Variants in BAIAP2 observed in about 807,000 individuals in gnomAD.
BAIAP2 encodes BAR/IMD domain-containing adapter protein 2.
A neutral mutation model predicts 63.0 loss-of-function variants in BAIAP2; 18 were observed. That is an observed-to-expected ratio of 0.29 (90% CI 0.20 to 0.42). The LOEUF is 0.42. Among genes scored for constraint, BAIAP2 ranks in the 10% least tolerant of loss-of-function variants. BAIAP2 has a pLI of 1.00. For synonymous variants in BAIAP2, 386 were observed against 307.6 expected (o/e 1.25, Z -2.67); for missense variants, 610 against 734.3 (o/e 0.83, Z 1.96).
intron 3 of BAIAP2, among the ~76,000 whole-genome samples, chr17:81,059,167 G>A (rs955708114): frequency 2.0e-5 from 3 of 152,104 alleles, no homozygotes; most frequent in East Asian, 1.9e-4. Flanking sequence ...GGGCAGGCCC[G>A]CTGGCGTGTT....
At chr17:81,067,922 G>T (rs924621532) in intron 3 of BAIAP2, among the ~76,000 whole-genome samples, 1 of 152,186 alleles carries the variant, frequency 6.6e-6, no homozygotes, top group Non-Finnish European at 1.5e-5. Flanking sequence ...GAGAGGAGCC[G>T]CTCAGCCTTC....
Position 81,053,442 on chromosome 17 carries a change from C to G in BAIAP2, c.55-226C>G, listed in dbSNP as rs553216162. The G allele has an allele frequency of 5.8e-5, 33 of 570,136 alleles. No homozygotes were observed. In the South Asian group the frequency reaches 6.7e-4, roughly 12 times the overall value. 35.3% of individuals were successfully genotyped at this position (570,136 alleles called of 1,614,324 possible). A position where few individuals can be genotyped will look rare whatever the true frequency, so the allele number is the denominator to read the frequency against. ...CCTCTGCGGCCGGGTTTCTTCTTAC[C>G]CCCTTTGCACAGGTGTGAAAACCGA... On this transcript the variant is annotated intron_variant, in intron 1 of 13. Coordinates refer to ENST00000428708, the MANE Select transcript of BAIAP2 (RefSeq NM_001144888.2).
intron 3 of BAIAP2, among the ~76,000 whole-genome samples, chr17:81,082,334 C>T (rs1044947604): frequency 6.6e-6 from 1 of 152,152 alleles, no homozygotes; most frequent in African/African-American, 2.4e-5. Flanking sequence ...ATATGTGATA[C>T]CTCCCCGGGG....
At chr17:81,055,307 C>T (rs2049290939) in intron 2 of BAIAP2, among the ~76,000 whole-genome samples, 2 of 152,202 alleles carry the variant, frequency 1.3e-5, no homozygotes, top group African/African-American at 4.8e-5. Context: ...CCAGGTGGAC[C>T]AGTTGTGCCC....
At chr17:81,107,939 C>G in intron 12 of BAIAP2, 1 of 161,602 alleles carries the variant, frequency 6.2e-6, no homozygotes, top group Non-Finnish European at 1.4e-5. Context: ...CCAGGCCATG[C>G]TGGCAGATGA....
chr17:81,042,965 C>A (rs1324729078), intron 1 of BAIAP2, among the ~76,000 whole-genome samples: 1 of 152,096 alleles, frequency 6.6e-6, no homozygotes, highest in African/African-American at 2.4e-5. Context: ...CTTACTGCAG[C>A]CTCTGCCTCC....
chr17:81,064,305 C>T (rs2051088066), intron 3 of BAIAP2, among the ~76,000 whole-genome samples: 1 of 152,252 alleles, frequency 6.6e-6, no homozygotes. Context: ...TGGCCTCGGG[C>T]TATGTAGCCC....
chr17:81,041,537 T>G (rs1208832124), intron 1 of BAIAP2, among the ~76,000 whole-genome samples: 1 of 152,170 alleles, frequency 6.6e-6, no homozygotes, highest in African/African-American at 2.4e-5. Context: ...GGGTAGTGTT[T>G]TTTCGTTTTT....
intron 3 of BAIAP2, among the ~76,000 whole-genome samples, chr17:81,067,949 C>T (rs1385203151): frequency 1.3e-5 from 2 of 152,246 alleles, no homozygotes; most frequent in South Asian, 4.1e-4. Context: ...AAGCCAGGAG[C>T]TGCTGAGGTG....
intron 1 of BAIAP2, chr17:81,053,311 C>T (rs995283133): frequency 1.4e-4 from 36 of 252,980 alleles, no homozygotes; most frequent in Middle Eastern, 1.4e-3. Flanking sequence ...TCTGGGCTGA[C>T]TCAGCCGCGC....
intron 13 of BAIAP2, among the ~76,000 whole-genome samples, chr17:81,111,150 T>C (rs1181024017): frequency 6.6e-6 from 1 of 152,164 alleles, no homozygotes; most frequent in Non-Finnish European, 1.5e-5. Flanking sequence ...TCATGGTATC[T>C]TTCTCCCCTC....
chr17:81,075,762 G>A (rs1426774801), intron 3 of BAIAP2, among the ~76,000 whole-genome samples: 1 of 152,148 alleles, frequency 6.6e-6, no homozygotes, highest in Non-Finnish European at 1.5e-5. Flanking sequence ...GCAGCCTTTG[G>A]TGGGCCTCAA....
At chr17:81,057,206 C>CACT (rs1031595245) in intron 2 of BAIAP2, 6 of 152,292 alleles carry the variant, frequency 3.9e-5, no homozygotes, top group African/African-American at 1.4e-4. Context: ...GTTTGCCAGG[C>CACT]ACTCCCTGGA....
At chr17:81,101,575 G>GGC (rs1368269028) in intron 7 of BAIAP2, among the ~76,000 whole-genome samples, 1 of 152,178 alleles carries the variant, frequency 6.6e-6, no homozygotes, top group Non-Finnish European at 1.5e-5. Flanking sequence ...GGGATCCACG[G>GGC]GCTATACCTT....
intron 3 of BAIAP2, among the ~76,000 whole-genome samples, chr17:81,068,971 G>A (rs533216190): frequency 5.3e-5 from 8 of 152,258 alleles, no homozygotes; most frequent in South Asian, 2.1e-4. Flanking sequence ...CACATTTGAC[G>A]ACTTGTCTGG....
chr17:81,109,797 C>G, intron 13 of BAIAP2: 1 of 985,432 alleles, frequency 1.0e-6, no homozygotes, highest in Non-Finnish European at 1.2e-6. Context: ...TTCCAAAGAC[C>G]TCCAGAGACC....
chr17:81,050,236 A>G (rs1480970600), intron 1 of BAIAP2, among the ~76,000 whole-genome samples: 4 of 152,198 alleles, frequency 2.6e-5, no homozygotes, highest in Non-Finnish European at 2.9e-5. Context: ...ATGTTGGCTC[A>G]GTGGGATCGA....
At chr17:81,075,270 C>T (rs527505246) in intron 3 of BAIAP2, among the ~76,000 whole-genome samples, 1 of 152,342 alleles carries the variant, frequency 6.6e-6, no homozygotes, top group African/African-American at 2.4e-5. Context: ...CCTTGCTGCC[C>T]TCTCTCTTCC....
At chr17:81,058,046 C>A (rs374627210) in intron 3 of BAIAP2, 79 bp downstream of exon 3, 22 of 1,150,302 alleles carry the variant, frequency 1.9e-5, no homozygotes, top group Non-Finnish European at 2.4e-5. Context: ...TGTGTCCAGC[C>A]GCTTTTTGAT....
Sources: gnomAD v4.1 joint callset for allele counts (sites outside exome capture counted in the v4.1 genomes callset) on GRCh38, gnomAD v4.1.1 for gene constraint, MANE v1.5 for transcripts, NCBI Gene and HGNC (gene_info 2026-07-23, HGNC 2026-07-21) for gene names.